Variants in DENND3 observed in about 807,000 individuals in gnomAD.
The protein encoded by DENND3 is DENN domain containing 3, also known as DENN domain-containing protein 3.
In DENND3, 88 loss-of-function variants were observed where a neutral mutation model predicts 135.1. The observed-to-expected ratio is 0.65, with a 90% CI of 0.55 to 0.78. The LOEUF (loss-of-function observed/expected upper bound fraction) is 0.78. Ranked by LOEUF, DENND3 falls within the 30% of genes least tolerant of loss-of-function variation. The probability of loss-of-function intolerance (pLI) is 0.00; values close to 1 mark genes in which losing one functional copy is unlikely to be tolerated. For missense variants in DENND3, 1,392 were observed against 1,688.4 expected (o/e 0.82, Z 3.08); for synonymous variants, 693 against 712.3 (o/e 0.97, Z 0.43).
rs542335448 is a variant in DENND3 at position 141,151,665 on chromosome 8, C to T, written c.902C>T (p.Ser301Leu). The T allele has an allele frequency of 1.4e-5, 22 of 1,614,054 alleles. 1 individual carries two copies. The highest frequency in any genetic ancestry group is 1.6e-4 in the Middle Eastern group (1 of 6,062). ...GAACAGCGGATCGTCTTCTTCTCCT[C>T]GGACTGGGCTCTGCTGACGCTGGTC... Reference protein sequence around the residue: ...LTEQRIVFFSSDWALLTLVTE... With the variant: ...LTEQRIVFFSLDWALLTLVTE... The change falls in exon 7 of 23, where the codon TCG becomes TTG. Residue 301 changes from serine to leucine, a missense_variant. Coordinates refer to ENST00000519811, the MANE Select transcript of DENND3 (RefSeq NM_001352890.3).
At chr8:141,185,848 T>A (rs577452123) in intron 18 of DENND3, among the ~76,000 whole-genome samples, 1 of 151,572 alleles carries the variant, frequency 6.6e-6, no homozygotes, top group African/African-American at 2.4e-5. Context: ...ATAATAATAA[T>A]AAAATAATAA....
At position 141,185,133 on chromosome 8, in the gene DENND3, C is replaced by G; in HGVS notation, c.2945-6C>G. 1 of 1,612,790 alleles carries G rather than the reference C, an allele frequency of 6.2e-7. No homozygotes were observed. The highest frequency in any genetic ancestry group is 8.5e-7 in the Non-Finnish European group (1 of 1,179,014). On this transcript the variant is annotated splice_region_variant and splice_polypyrimidine_tract_variant and intron_variant, in intron 17 of 22. Transcript: ENST00000519811. ...CCTAACAGTTTTGTGCTGCTCTCCTCTTTAGGGCATCTTGACCCAGCCGAA... is the reference window on the plus strand; with the variant it reads ...CCTAACAGTTTTGTGCTGCTCTCCTGTTTAGGGCATCTTGACCCAGCCGAA...
chr8:141,187,961 AG>A (rs1486075665), intron 18 of DENND3, among the ~76,000 whole-genome samples: 1 of 151,914 alleles, frequency 6.6e-6, no homozygotes, highest in Admixed American at 6.6e-5. Context: ...CCGAAGCAGG[AG>A]GATTGCTTGA....
intron 18 of DENND3, chr8:141,188,619 A>T (rs13268445): frequency 0.2 from 36,839 of 183,638 alleles, 4,600 homozygotes; most frequent in African/African-American, 0.37. Context: ...CCATTTAAGA[A>T]AGCCTCAAGC....
intron 8 of DENND3, among the ~76,000 whole-genome samples, chr8:141,159,138 C>T (rs1446953902): frequency 4.6e-5 from 7 of 152,254 alleles, no homozygotes. Context: ...CCCTCAGCAG[C>T]TGCTGCTCAG....
chr8:141,150,958 G>A lies in DENND3; in HGVS notation c.855+5G>A, dbSNP rs201268153. The A allele has an allele frequency of 4.8e-5, 74 of 1,541,260 alleles. No individual in the cohort carries two copies. The East Asian group carries it at 1.3e-3, about 27-fold the overall frequency. On this transcript the variant is annotated splice_donor_5th_base_variant and intron_variant, in intron 6 of 22. Coordinates refer to ENST00000519811, the MANE Select transcript of DENND3 (RefSeq NM_001352890.3). ...AGGCCTGAGAAGGTGCTACAGGTAC[G>A]CGGCCCCGCCCCGGCGAGCGCGTCT...
intron 1 of DENND3, among the ~76,000 whole-genome samples, chr8:141,134,298 T>A (rs905120455): frequency 6.6e-5 from 10 of 152,068 alleles, no homozygotes; most frequent in East Asian, 5.8e-4. Context: ...TTTTTATTTT[T>A]ATTTTATTTT....
Position 141,138,033 on chromosome 8 carries a change from G to A in DENND3, c.397G>A (p.Val133Met), listed in dbSNP as rs776732167. ...PQLCFPGGVC[V>M]ATEPKEDCVH... ...CTTTCTGCCTGCAGGGGGTGTGTGCGTGGCCACTGAACCTAAGGAGGATTG... is the reference window on the plus strand; with the variant it reads ...CTTTCTGCCTGCAGGGGGTGTGTGCATGGCCACTGAACCTAAGGAGGATTG... The change falls in exon 3 of 23, where the codon GTG (valine) becomes ATG (methionine). Residue 133 changes from valine (V) to methionine (M), a missense_variant. Val to Met is a conservative substitution (Grantham distance 21, BLOSUM62 1). Transcript: ENST00000519811. This position sits in a 1 kb window ranked among gnomAD's most constrained non-coding sequence, Gnocchi z 4.8. 7.5e-6 allele frequency: 12 copies of A among 1,601,484 alleles called. No individual in the cohort carries two copies. The highest frequency in any genetic ancestry group is 2.2e-5 in the East Asian group (1 of 44,598).
intron 1 of DENND3, among the ~76,000 whole-genome samples, chr8:141,136,132 C>T (rs534180093): frequency 3.9e-5 from 6 of 152,346 alleles, no homozygotes; most frequent in East Asian, 1.9e-4. Flanking sequence ...CTGTACTCGC[C>T]GCTTAAAGGG....
intron 8 of DENND3, among the ~76,000 whole-genome samples, chr8:141,158,761 G>T (rs1819760959): frequency 6.6e-6 from 1 of 152,220 alleles, no homozygotes; most frequent in African/African-American, 2.4e-5. Context: ...TCTCTTCACT[G>T]CTGTCTTCAT....
At chr8:141,151,965 G>A in intron 7 of DENND3, 128 bp downstream of exon 7, 1 of 1,155,120 alleles carries the variant, frequency 8.7e-7, no homozygotes, top group Non-Finnish European at 1.2e-6. Context: ...GAGGTCACGG[G>A]TACCGTGAGA....
chr8:141,129,497 G>C (rs540477189), intron 1 of DENND3: 6 of 152,016 alleles, frequency 3.9e-5, no homozygotes, highest in African/African-American at 1.5e-4. Flanking sequence ...CTGGGAAAGC[G>C]GCAGTTTTGG....
chr8:141,143,409 T>G (rs1395880878), intron 4 of DENND3, among the ~76,000 whole-genome samples: 1 of 152,114 alleles, frequency 6.6e-6, no homozygotes, highest in Non-Finnish European at 1.5e-5. Context: ...TAATTTTCAT[T>G]TACAAATTTT....
rs1816878262 is a variant in DENND3, at chr8:141,137,140, T to A, written c.385+349T>A. Reference sequence around the variant, plus strand: ...GATTACAGGTGCCAACCACCACGCCTGGCTAACTTTTGTGTCTTTAGTAGA... The same window carrying A: ...GATTACAGGTGCCAACCACCACGCCAGGCTAACTTTTGTGTCTTTAGTAGA... On this transcript the variant is annotated intron_variant, in intron 2 of 22. Transcript: ENST00000519811. This position sits in a 1 kb window ranked among gnomAD's most constrained non-coding sequence, Gnocchi z 4.1. Among the ~76,000 whole-genome samples, 2 of 152,076 alleles carry A rather than the reference T, an allele frequency of 1.3e-5. No homozygotes were observed. Among genetic ancestry groups the A allele is most frequent in the African/African-American group, 4.8e-5 (2 of 41,406 alleles).
intron 9 of DENND3, among the ~76,000 whole-genome samples, chr8:141,162,056 C>T (rs538324005): frequency 1.1e-4 from 17 of 152,230 alleles, no homozygotes; most frequent in East Asian, 5.8e-4. Context: ...CCTCCTGCCT[C>T]GACCACCCAA....
At position 141,146,885 on chromosome 8, in the gene DENND3, C is replaced by T. The variant is rs1818214651; in HGVS notation, c.735+2626C>T. On this transcript the variant is annotated intron_variant, in intron 5 of 22. Transcript: ENST00000519811. The surrounding 1 kb of genome is among the most constrained non-coding windows in gnomAD (Gnocchi z 4.3). Reference sequence around the variant, plus strand: ...AGTTTATGTTCTTGTTCTGTAAACGCAGCAAGTATTTACTGAGGGCCTGTG... The same window carrying T: ...AGTTTATGTTCTTGTTCTGTAAACGTAGCAAGTATTTACTGAGGGCCTGTG... Among the ~76,000 whole-genome samples, 1 of 152,204 alleles carries T rather than the reference C, an allele frequency of 6.6e-6. No homozygotes were observed. Among genetic ancestry groups the T allele is most frequent in the Non-Finnish European group, 1.5e-5 (1 of 68,032 alleles).
chr8:141,147,703 T>C (rs1818334391), intron 5 of DENND3, among the ~76,000 whole-genome samples: 1 of 152,228 alleles, frequency 6.6e-6, no homozygotes, highest in Non-Finnish European at 1.5e-5. Context: ...GCATGTGTTT[T>C]TGTTTAATGT....
At chr8:141,133,670 T>C (rs1336009275) in intron 1 of DENND3, among the ~76,000 whole-genome samples, 1 of 151,906 alleles carries the variant, frequency 6.6e-6, no homozygotes, top group Admixed American at 6.6e-5. Flanking sequence ...GGAGAGGCTC[T>C]CCAGGACCAG....
In DENND3 at chr8:141,160,773, C is replaced by T. The variant is rs147879837; in HGVS notation, c.1338C>T (p.Leu446=). ...TACAGCAGACCACCCTGCAGCTGCT[C>T]GTGAGCATCTTCAGGTACGTGAGAG... is the stretch of plus-strand genomic sequence containing the variant. The part of the protein sequence containing the change: ...CQIQQTTLQL[L]VSIFRDVKNH... Residue 446 remains leucine (L), a synonymous_variant, in exon 9 of 23, where the codon CTC becomes CTT. Transcript: ENST00000519811. 177 of 1,610,738 alleles carry T rather than the reference C, an allele frequency of 1.1e-4. No individual in the cohort carries two copies. Among genetic ancestry groups the T allele is most frequent in the East Asian group, 6.7e-4 (30 of 44,792 alleles).
Sources: gnomAD v4.1 joint callset for allele counts (sites outside exome capture counted in the v4.1 genomes callset) on GRCh38, gnomAD v4.1.1 for gene constraint, Gnocchi (gnomAD v3.1) non-coding constraint, MANE v1.5 for transcripts, NCBI Gene and HGNC (gene_info 2026-07-23, HGNC 2026-07-21) for gene names.